Variants in B4GALNT3 observed in about 807,000 individuals in gnomAD.
B4GALNT3 encodes beta-1,4-N-acetyl-galactosaminyltransferase 3, also known as beta-1,4-N-acetylgalactosaminyltransferase 3.
Under a neutral mutation model 120.2 loss-of-function variants are expected in B4GALNT3, and 86 were observed. The ratio of observed to expected loss-of-function variants is 0.72; its 90% CI spans 0.60 to 0.86. The LOEUF (loss-of-function observed/expected upper bound fraction) is 0.86. Ranked by LOEUF, B4GALNT3 falls within the 40% of genes least tolerant of loss-of-function variation. B4GALNT3 has a pLI of 0.00. For synonymous variants in B4GALNT3, 518 were observed against 510.4 expected (o/e 1.01, Z -0.20); for missense variants, 1,167 against 1,298.9 (o/e 0.90, Z 1.56).
intron 1 of B4GALNT3, among the ~76,000 whole-genome samples, chr12:469,574 A>G (rs1248596736): frequency 1.3e-5 from 2 of 152,044 alleles, no homozygotes; most frequent in Non-Finnish European, 2.9e-5. Context: ...TTCCTCCATG[A>G]TGTTCAGCAA....
chr12:512,767 TC>T (rs1486374390), intron 1 of B4GALNT3, among the ~76,000 whole-genome samples: 30 of 138,658 alleles, frequency 2.2e-4, no homozygotes, highest in African/African-American at 8.3e-4. Flanking sequence ...CCTTCCGCCT[TC>T]CGCCTTCTGC....
At chr12:530,818 C>G (rs980170034) in intron 1 of B4GALNT3, among the ~76,000 whole-genome samples, 2 of 152,160 alleles carry the variant, frequency 1.3e-5, no homozygotes, top group Non-Finnish European at 2.9e-5. Flanking sequence ...TTTGAAGAGT[C>G]TGCATTGCAC....
In B4GALNT3 at chr12:511,013, C is replaced by CTTTTTT. The variant is rs762032000; in HGVS notation, c.170-24116_170-24111dup. ...TTTGGTCTCTATGGATTTGCCTATT[C>CTTTTTT]TTTTTTTTTTTTTTTTTTTTTTTTT... is the stretch of plus-strand genomic sequence containing the variant. On this transcript the variant is annotated intron_variant, in intron 1 of 19. Coordinates refer to ENST00000266383, the MANE Select transcript of B4GALNT3 (RefSeq NM_173593.4). 5.9e-3 allele frequency among the ~76,000 whole-genome samples: 258 copies of CTTTTTT among 43,876 alleles called. 52 individuals carry two copies. Among genetic ancestry groups the CTTTTTT allele is most frequent in the Non-Finnish European group, 8.5e-3 (185 of 21,822 alleles). The allele number at this position is 43,876 out of a possible 152,430, so 28.8% of individuals were successfully genotyped here. A position where few individuals can be genotyped will look rare whatever the true frequency, so the allele number is the denominator to read the frequency against.
chr12:478,004 C>G (rs1565589067), intron 1 of B4GALNT3, among the ~76,000 whole-genome samples: 1 of 152,242 alleles, frequency 6.6e-6, no homozygotes, highest in Admixed American at 6.5e-5. Flanking sequence ...AATCCTGGCA[C>G]TTTCAGAGGC....
At position 474,409 on chromosome 12, in the gene B4GALNT3, T is replaced by C. The variant is rs1946164271; in HGVS notation, c.169+13864T>C. 2.6e-5 allele frequency among the ~76,000 whole-genome samples: 4 copies of C among 152,222 alleles called. 1 individual carries two copies. The South Asian group carries it at 8.3e-4, about 32-fold the overall frequency. On this transcript the variant is annotated intron_variant, in intron 1 of 19. Coordinates refer to ENST00000266383, the MANE Select transcript of B4GALNT3 (RefSeq NM_173593.4). ...CAACCTTAGCATTGGATCAGAGTTATTTTTGTCTGTTTGTCTTCCCCCATG... is the reference window on the plus strand; with the variant it reads ...CAACCTTAGCATTGGATCAGAGTTACTTTTGTCTGTTTGTCTTCCCCCATG...
chr12:524,624 CTTG>C (rs1234195239), intron 1 of B4GALNT3, among the ~76,000 whole-genome samples: 5 of 143,948 alleles, frequency 3.5e-5, no homozygotes, highest in African/African-American at 1.3e-4. Flanking sequence ...GTGTGAGATA[CTTG>C]TTAAGACATG....
intron 1 of B4GALNT3, among the ~76,000 whole-genome samples, chr12:501,588 G>T (rs2120540043): frequency 6.6e-6 from 1 of 152,144 alleles, no homozygotes; most frequent in African/African-American, 2.4e-5. Flanking sequence ...CTCAAAATAA[G>T]AAAAAGGAAA....
chr12:460,694 G>A lies in B4GALNT3; in HGVS notation c.169+149G>A. ...GCCCGGCGTCGCCCCGCGCGTACTC[G>A]GGGAGAGCTGCGGGCGGGGGAAGCC... is the stretch of plus-strand genomic sequence containing the variant. On this transcript the variant is annotated intron_variant, in intron 1 of 19. Transcript: ENST00000266383. This position sits in a 1 kb window ranked among gnomAD's most constrained non-coding sequence, Gnocchi z 8.0. 1.1e-6 allele frequency: 1 copy of A among 894,598 alleles called. No homozygotes were observed. The highest frequency in any genetic ancestry group is 1.5e-6 in the Non-Finnish European group (1 of 675,632). 55.4% of individuals were successfully genotyped at this position (894,598 alleles called of 1,614,324 possible). A position where few individuals can be genotyped will look rare whatever the true frequency, so the allele number is the denominator to read the frequency against.
At chr12:461,058 A>AG (rs1307247852) in intron 1 of B4GALNT3, among the ~76,000 whole-genome samples, 1 of 151,948 alleles carries the variant, frequency 6.6e-6, no homozygotes, top group South Asian at 2.1e-4. Context: ...TGCATCTTCT[A>AG]GGGGGGTTCT....
rs191884251 is a variant in B4GALNT3, at chr12:481,054, A to G, written c.169+20509A>G. Among the ~76,000 whole-genome samples the G allele has an allele frequency of 1.4e-4, 21 of 152,308 alleles. No individual in the cohort carries two copies. In the East Asian group the frequency reaches 3.5e-3, roughly 25 times the overall value. On this transcript the variant is annotated intron_variant, in intron 1 of 19. Transcript: ENST00000266383. Reference sequence around the variant, plus strand: ...CATGGAATTGGCTGCTTATTTTGGCAGCTCCCACCACAAAGACCATCAGAC... The same window carrying G: ...CATGGAATTGGCTGCTTATTTTGGCGGCTCCCACCACAAAGACCATCAGAC...
intron 1 of B4GALNT3, among the ~76,000 whole-genome samples, chr12:470,642 G>C (rs1477382067): frequency 6.6e-6 from 1 of 152,232 alleles, no homozygotes; most frequent in African/African-American, 2.4e-5. Flanking sequence ...ATAGCAGAAG[G>C]CAGGGGACGT....
At chr12:512,553 G>GACCTTCC (rs1260453642) in intron 1 of B4GALNT3, among the ~76,000 whole-genome samples, 10,243 of 55,926 alleles carry the variant, frequency 0.18, 934 homozygotes, top group Non-Finnish European at 0.23. Flanking sequence ...TTCCACCTTC[G>GACCTTCC]ACCTTCCACC....
rs146490282 is a variant in B4GALNT3 at position 483,980 on chromosome 12, C to G, written c.169+23435C>G. Reference sequence around the variant, plus strand: ...AAGGCAGGAAAGTTACTAAATCTCTCTAATTTGTTTCCCAGTTCATAAAGT... The same window carrying G: ...AAGGCAGGAAAGTTACTAAATCTCTGTAATTTGTTTCCCAGTTCATAAAGT... On this transcript the variant is annotated intron_variant, in intron 1 of 19. Transcript: ENST00000266383. 1.5e-3 allele frequency among the ~76,000 whole-genome samples: 222 copies of G among 152,290 alleles called. 2 individuals are homozygous for G. In the Middle Eastern group the frequency reaches 0.034, roughly 23 times the overall value.
chr12:529,000 C>T (rs10849181), intron 1 of B4GALNT3, among the ~76,000 whole-genome samples: 19,639 of 152,132 alleles, frequency 0.13, 1,911 homozygotes, highest in Admixed American at 0.29. Context: ...CAATCATGTA[C>T]GTTCACCCTG....
intron 1 of B4GALNT3, among the ~76,000 whole-genome samples, chr12:499,683 C>T (rs1037715904): frequency 1.3e-5 from 2 of 150,174 alleles, no homozygotes; most frequent in African/African-American, 2.5e-5. Context: ...CCGTGGAGCC[C>T]GTGCTCTCAC....
At chr12:517,186 C>CA (rs1034403286) in intron 1 of B4GALNT3, among the ~76,000 whole-genome samples, 1 of 152,054 alleles carries the variant, frequency 6.6e-6, no homozygotes, top group African/African-American at 2.4e-5. Flanking sequence ...GATGGTGTCC[C>CA]AAAAAACCTG....
chr12:487,267 G>A (rs543030124), intron 1 of B4GALNT3, among the ~76,000 whole-genome samples: 8 of 152,228 alleles, frequency 5.3e-5, no homozygotes, highest in South Asian at 2.1e-4. Context: ...TATTTGAAAC[G>A]ATAGCAACTG....
At chr12:461,707 G>A (rs1946024671) in intron 1 of B4GALNT3, among the ~76,000 whole-genome samples, 1 of 152,226 alleles carries the variant, frequency 6.6e-6, no homozygotes, top group Non-Finnish European at 1.5e-5. Flanking sequence ...TGGGTGTGGT[G>A]CTGTGCCTTC....
intron 1 of B4GALNT3, among the ~76,000 whole-genome samples, chr12:509,444 AT>A (rs1203491322): frequency 2.0e-5 from 3 of 152,178 alleles, no homozygotes; most frequent in African/African-American, 7.2e-5. Flanking sequence ...TTTCTAGGGG[AT>A]TTAAATGATA....
Sources: gnomAD v4.1 joint callset for allele counts (sites outside exome capture counted in the v4.1 genomes callset) on GRCh38, gnomAD v4.1.1 for gene constraint, Gnocchi (gnomAD v3.1) non-coding constraint, MANE v1.5 for transcripts, NCBI Gene and HGNC (gene_info 2026-07-23, HGNC 2026-07-21) for gene names.